CHCHD10: variants seen among roughly 807,000 people sequenced by gnomAD.
CHCHD10 encodes coiled-coil-helix-coiled-coil-helix domain containing 10, also known as coiled-coil-helix-coiled-coil-helix domain-containing protein 10, mitochondrial.
In CHCHD10, 10 loss-of-function variants were observed where a neutral mutation model predicts 14.8. The observed-to-expected ratio is 0.67, with a 90% CI of 0.42 to 1.14. The LOEUF is 1.14. Ranked by LOEUF, CHCHD10 falls within the 50% of genes most tolerant of loss-of-function variation. The pLI, the probability that CHCHD10 is intolerant of heterozygous loss-of-function variation, is 0.00. For missense variants in CHCHD10, 203 were observed against 196.9 expected, an observed-to-expected ratio of 1.03 and a Z score of -0.19; for synonymous variants, 90 against 85.2, an observed-to-expected ratio of 1.06 and a Z score of -0.31.
At chr22:23,766,077 G>A (rs1448526576) in intron 3 of CHCHD10, 51 bp from the exon 4 acceptor site, 1 of 1,613,014 alleles carries the variant, frequency 6.2e-7, no homozygotes, top group Admixed American at 1.7e-5. Context: ...AGGTGCAAGA[G>A]GAGGGTTGGC....
At position 23,767,535 on chromosome 22, in the gene CHCHD10, G is replaced by A. The variant is rs551521196; in HGVS notation, c.100C>T (p.Pro34Ser). Residue 34 changes from proline (P) to serine (S), a missense_variant, in exon 2 of 4, where the codon CCA becomes TCA. By Grantham distance (74) the Pro-to-Ser change is moderately conservative (BLOSUM62 -1). Coordinates refer to ENST00000484558, the MANE Select transcript of CHCHD10 (RefSeq NM_213720.3). ...PAHPPPSAAA[P>S]APAPSGQPGL... ...GGCTGGCCCGAAGGGGCGGGGGCTG[G>A]GGCGGCTGCCGAGGGCGGTGGGTGC... is the stretch of plus-strand genomic sequence containing the variant. 5,891 of 1,451,942 alleles carry A rather than the reference G, an allele frequency of 4.1e-3. 18 individuals carry two copies. Among genetic ancestry groups the A allele is most frequent in the Non-Finnish European group, 5.0e-3 (5,510 of 1,104,018 alleles). 89.9% of individuals were successfully genotyped at this position (1,451,942 alleles called of 1,614,324 possible).
Position 23,766,269 on chromosome 22 carries a change from T to TGGGGGGGAGGGGGGGG in CHCHD10, c.267_268insCCCCCCCCTCCCCCCC (p.Thr90ProfsTer34). On this transcript the variant is annotated frameshift_variant, in exon 3 of 4. Transcript: ENST00000484558. LOFTEE classifies it high-confidence loss of function. ...TGCAGGGGCTGGGGGGCAGCGGGGG[T>TGGGGGGGAGGGGGGGG]GGGGGCCTGGGGGTACAGTGCAAGA... 1.3e-6 allele frequency: 1 copy of TGGGGGGGAGGGGGGGG among 747,118 alleles called. No homozygotes were observed. Among genetic ancestry groups the TGGGGGGGAGGGGGGGG allele is most frequent in the Admixed American group, 3.4e-5 (1 of 29,382 alleles). The allele number at this position is 747,118 out of a possible 1,614,324, so 46.3% of individuals were successfully genotyped here. A position where few individuals can be genotyped will look rare whatever the true frequency, so the allele number is the denominator to read the frequency against.
intron 2 of CHCHD10, 103 bp downstream of exon 2, chr22:23,767,271 G>T: frequency 1.0e-6 from 1 of 982,402 alleles, no homozygotes; most frequent in Non-Finnish European, 1.6e-6. Context: ...CTGGGCTGAA[G>T]CAATGGTGAA....
Position 23,767,893 on chromosome 22 carries a change from C to G in CHCHD10, c.-19G>C. On this transcript the variant is annotated 5_prime_UTR_variant, in exon 1 of 4. Coordinates refer to ENST00000484558, the MANE Select transcript of CHCHD10 (RefSeq NM_213720.3). ...GAGGCATGGTGGCGGCGGTGGGACCCGGGCGACCTTAGAGACGGCGGCAGC... is the reference window on the plus strand; with the variant it reads ...GAGGCATGGTGGCGGCGGTGGGACCGGGGCGACCTTAGAGACGGCGGCAGC... The G allele has an allele frequency of 6.6e-7, 1 of 1,504,218 alleles. No homozygotes were observed. The highest frequency in any genetic ancestry group is 8.9e-7 in the Non-Finnish European group (1 of 1,124,826). 93.2% of individuals were successfully genotyped at this position (1,504,218 alleles called of 1,614,324 possible). A position where few individuals can be genotyped will look rare whatever the true frequency, so the allele number is the denominator to read the frequency against.
In CHCHD10 at chr22:23,767,711, C is replaced by G. The variant is rs113097524; in HGVS notation, c.42-118G>C. ...CCCACGTCTCCACACGTGGGTGCTG[C>G]ACCCCCACCCCTCCCCCCGCCAAGA... On this transcript the variant is annotated intron_variant, in intron 1 of 3. Coordinates refer to ENST00000484558, the MANE Select transcript of CHCHD10 (RefSeq NM_213720.3). The G allele has an allele frequency of 1.9e-3, 1,857 of 964,786 alleles. 6 individuals are homozygous for G. The highest frequency in any genetic ancestry group is 5.9e-3 in the Middle Eastern group (23 of 3,866). 59.8% of individuals were successfully genotyped at this position (964,786 alleles called of 1,614,324 possible).
intron 2 of CHCHD10, among the ~76,000 whole-genome samples, chr22:23,766,885 G>A (rs1926872610): frequency 1.3e-5 from 2 of 152,212 alleles, no homozygotes; most frequent in African/African-American, 2.4e-5. Context: ...TCCTGGCTCA[G>A]CTACACTAAT....
At position 23,767,415 on chromosome 22, in the gene CHCHD10, T is replaced by C; in HGVS notation, c.220A>G (p.Ser74Gly). 6.2e-7 allele frequency: 1 copy of C among 1,607,728 alleles called. No individual in the cohort carries two copies. Among genetic ancestry groups the C allele is most frequent in the Admixed American group, 1.7e-5 (1 of 59,792 alleles). ...VMGSALTGAF[S>G]GGSSEPSQPA... The stretch of plus-strand genomic sequence containing the variant: ...TGGGAGGGCTCCGAGCTCCCCCCGC[T>C]GAAGGCTCCGGTCAGGGCGCTGCCC... Residue 74 changes from serine (S) to glycine (G), a missense_variant, in exon 2 of 4, where the codon AGC becomes GGC. Coordinates refer to ENST00000484558, the MANE Select transcript of CHCHD10 (RefSeq NM_213720.3).
chr22:23,766,375 C>T (rs1926823274), intron 2 of CHCHD10, 100 bp from the exon 3 acceptor site: 3 of 1,114,840 alleles, frequency 2.7e-6, no homozygotes, highest in Admixed American at 4.7e-5. Context: ...CATCCCCAGC[C>T]TGGGTGTCCC....
At position 23,767,892 on chromosome 22, in the gene CHCHD10, CCGGGCGACCTTAGAGACGGCGGCAG is replaced by C. The variant is rs751305652; in HGVS notation, c.-43_-19del. 2.3e-5 allele frequency: 35 copies of C among 1,505,070 alleles called. No homozygotes were observed. The African/African-American group carries it at 4.5e-4, about 19-fold the overall frequency. The allele number at this position is 1,505,070 out of a possible 1,614,324, so 93.2% of individuals were successfully genotyped here. On this transcript the variant is annotated 5_prime_UTR_variant, in exon 1 of 4. Transcript: ENST00000484558. ...CGAGGCATGGTGGCGGCGGTGGGAC[CCGGGCGACCTTAGAGACGGCGGCAG>C]CGGTGCTGTCGCGGGGACAAATGCC...
Position 23,766,038 on chromosome 22 carries a change from G to C in CHCHD10, c.410-12C>G, listed in dbSNP as rs750841860. On this transcript the variant is annotated splice_polypyrimidine_tract_variant and intron_variant, in intron 3 of 3. Transcript: ENST00000484558. ...CAGGGAGCTCAGACCTGGGAAGGGA[G>C]GGGCAGCACAGGCTGGTGGTCAGCC... 6.2e-7 allele frequency: 1 copy of C among 1,613,738 alleles called. No individual in the cohort carries two copies. Among genetic ancestry groups the C allele is most frequent in the Admixed American group, 1.7e-5 (1 of 59,988 alleles).
At position 23,767,254 on chromosome 22, in the gene CHCHD10, C is replaced by G. The variant is rs1926906083; in HGVS notation, c.261+120G>C. ...CCAGTGGACTAGGACCCTTCCCGGG[C>G]AGAGTCCTGGGCTGAAGCAATGGTG... On this transcript the variant is annotated intron_variant, in intron 2 of 3. Transcript: ENST00000484558. 7 of 826,708 alleles carry G rather than the reference C, an allele frequency of 8.5e-6. No homozygotes were observed. In the South Asian group the frequency reaches 9.4e-5, roughly 11 times the overall value. 51.2% of individuals were successfully genotyped at this position (826,708 alleles called of 1,614,324 possible). A position where few individuals can be genotyped will look rare whatever the true frequency, so the allele number is the denominator to read the frequency against.
In CHCHD10 at chr22:23,767,950, T is replaced by C. The variant is rs1420766284; in HGVS notation, c.-76A>G. On this transcript the variant is annotated 5_prime_UTR_variant, in exon 1 of 4. Coordinates refer to ENST00000484558, the MANE Select transcript of CHCHD10 (RefSeq NM_213720.3). Reference sequence around the variant, plus strand: ...GTCGCGGGGACAAATGCCGCAGCGCTTGTCACAGCCGGCGCAAAAAAGGCG... The same window carrying C: ...GTCGCGGGGACAAATGCCGCAGCGCCTGTCACAGCCGGCGCAAAAAAGGCG... 6 of 1,267,860 alleles carry C rather than the reference T, an allele frequency of 4.7e-6. No homozygotes were observed. The highest frequency in any genetic ancestry group is 6.2e-6 in the Non-Finnish European group (6 of 961,772). The allele number at this position is 1,267,860 out of a possible 1,614,324, so 78.5% of individuals were successfully genotyped here.
chr22:23,766,337 C>G, intron 2 of CHCHD10, 62 bp from the exon 3 acceptor site: 2 of 1,460,788 alleles, frequency 1.4e-6, no homozygotes, highest in Non-Finnish European at 1.8e-6. Context: ...AGGTGCGTTT[C>G]AAACCTGGGG....
At position 23,766,257 on chromosome 22, in the gene CHCHD10, G is replaced by A. The variant is rs776074927; in HGVS notation, c.280C>T (p.Pro94Ser). 1.3e-6 allele frequency: 2 copies of A among 1,526,186 alleles called. No individual in the cohort carries two copies. Among genetic ancestry groups the A allele is most frequent in the South Asian group, 2.4e-5 (2 of 83,644 alleles). 94.5% of individuals were successfully genotyped at this position (1,526,186 alleles called of 1,614,324 possible). The change falls in exon 3 of 4, where the codon CCC (proline) becomes TCC (serine). Residue 94 changes from proline to serine, a missense_variant. By Grantham distance (74) the Pro-to-Ser change is moderately conservative. Transcript: ENST00000484558. Reference protein sequence around the residue: ...AVQQAPTPAAPQPLQMGPCAY... With the variant: ...AVQQAPTPAASQPLQMGPCAY... ...CAGGGCCCCATCTGCAGGGGCTGGG[G>A]GGCAGCGGGGGTGGGGGCCTGGGGG...
chr22:23,767,798 A>G, intron 1 of CHCHD10, 36 bp downstream of exon 1: 1 of 1,524,162 alleles, frequency 6.6e-7, no homozygotes, highest in South Asian at 1.2e-5. Context: ...ACACTTCCCT[A>G]ACCCCCTCCC....
At position 23,767,844 on chromosome 22, in the gene CHCHD10, G is replaced by T; in HGVS notation, c.31C>A (p.Arg11=). Residue 11 remains arginine (R), a synonymous_variant, in exon 1 of 4, where the codon CGG becomes AGG. Coordinates refer to ENST00000484558, the MANE Select transcript of CHCHD10 (RefSeq NM_213720.3). ...TTGTCCCCCTCACACCTGGCTGGCC[G>T]GGAGGCCGCGCTGCGGCTTCCCCGA... The part of the protein sequence containing the change: MPRGSRSAAS[R]PASRPAAPSA... The T allele has an allele frequency of 6.6e-7, 1 of 1,521,802 alleles. No individual in the cohort carries two copies. The highest frequency in any genetic ancestry group is 8.8e-7 in the Non-Finnish European group (1 of 1,135,376). The allele number at this position is 1,521,802 out of a possible 1,614,324, so 94.3% of individuals were successfully genotyped here.
chr22:23,766,335 T>A, intron 2 of CHCHD10, 60 bp from the exon 3 acceptor site: 1 of 1,473,292 alleles, frequency 6.8e-7, no homozygotes, highest in Admixed American at 2.1e-5. Context: ...GGAGGTGCGT[T>A]TCAAACCTGG....
chr22:23,766,403 TGA>T, intron 2 of CHCHD10, 128 bp from the exon 3 acceptor site: 4 of 752,858 alleles, frequency 5.3e-6, no homozygotes, highest in South Asian at 3.7e-5. Flanking sequence ...CTAGGCAGGC[TGA>T]GTGATCCAGC....
chr22:23,765,939 T>C lies in CHCHD10; in HGVS notation c.*68A>G, dbSNP rs1926730051. 1.2e-6 allele frequency: 2 copies of C among 1,609,508 alleles called. No homozygotes were observed. Among genetic ancestry groups the C allele is most frequent in the Admixed American group, 3.3e-5 (2 of 59,944 alleles). ...CAGCTATCTGGGTACAATCTGGTGTTGTGGTCTGGCTGTCGGCGAGGGGTA... is the reference window on the plus strand; with the variant it reads ...CAGCTATCTGGGTACAATCTGGTGTCGTGGTCTGGCTGTCGGCGAGGGGTA... On this transcript the variant is annotated 3_prime_UTR_variant, in exon 4 of 4. Transcript: ENST00000484558.
Sources: allele counts gnomAD v4.1 joint callset (sites outside exome capture counted in the v4.1 genomes callset), GRCh38; gene constraint gnomAD v4.1.1; transcripts MANE v1.5; gene names NCBI Gene and HGNC (gene_info 2026-07-23, HGNC 2026-07-21).